The following ERO1B variants were observed in gnomAD, a reference collection of about 807,000 sequenced individuals.
ERO1B encodes the protein endoplasmic reticulum oxidoreductase 1 beta.
ERO1B carries 49 observed loss-of-function variants against 75.3 expected under a neutral mutation model. The ratio of observed to expected loss-of-function variants is 0.65; its 90% CI spans 0.52 to 0.83. The LOEUF is 0.83. ERO1B is among the 40% of genes least tolerant of loss of function. The pLI is 0.00. For missense variants in ERO1B, 512 were observed against 560.1 expected (o/e 0.91, Z 0.87); for synonymous variants, 191 against 192.9 (o/e 0.99, Z 0.08).
At chr1:236,279,507 A>AAAAAAAAAAAC (rs1665777776) in intron 1 of ERO1B, among the ~76,000 whole-genome samples, 5 of 145,430 alleles carry the variant, frequency 3.4e-5, no homozygotes, top group South Asian at 2.2e-4. Context: ...TCCATCTCAA[A>AAAAAAAAAAAC]AAAAAAAAAA....
intron 2 of ERO1B, among the ~76,000 whole-genome samples, chr1:236,264,147 C>A (rs1665363831): frequency 6.6e-6 from 1 of 152,174 alleles, no homozygotes; most frequent in Admixed American, 6.5e-5. Flanking sequence ...GTCACCCAGG[C>A]TGGAGTGCAG....
intron 10 of ERO1B, among the ~76,000 whole-genome samples, chr1:236,228,438 G>A (rs1664326938): frequency 6.6e-6 from 1 of 152,162 alleles, no homozygotes; most frequent in African/African-American, 2.4e-5. Context: ...AGGCTGGATG[G>A]TATCTTTAAT....
intron 6 of ERO1B, among the ~76,000 whole-genome samples, chr1:236,242,480 A>T (rs1664735924): frequency 6.6e-6 from 1 of 152,174 alleles, no homozygotes; most frequent in African/African-American, 2.4e-5. Flanking sequence ...TACTGAAACC[A>T]TATAAGCCAA....
intron 5 of ERO1B, among the ~76,000 whole-genome samples, chr1:236,245,793 T>A (rs960250132): frequency 6.6e-6 from 1 of 150,960 alleles, no homozygotes; most frequent in African/African-American, 2.4e-5. Context: ...ATTTTCACCA[T>A]GTTGGCCAGG....
rs1207394952 is a variant in ERO1B, at chr1:236,232,794, A to G, written c.685+34T>C. The stretch of plus-strand genomic sequence containing the variant: ...CTGATTGTTACAAAAAATTTCCTCC[A>G]CACTTGAAACAAACAAACATGAGTT... On this transcript the variant is annotated intron_variant, in intron 9 of 15. Transcript: ENST00000354619. The G allele has an allele frequency of 2.5e-6, 4 of 1,582,668 alleles. No homozygotes were observed. The East Asian group carries it at 9.1e-5, about 36-fold the overall frequency.
intron 2 of ERO1B, among the ~76,000 whole-genome samples, chr1:236,264,920 T>C (rs538408017): frequency 6.6e-6 from 1 of 152,294 alleles, no homozygotes; most frequent in South Asian, 2.1e-4. Context: ...ATCCGGGCGA[T>C]GGTTCCATTA....
In ERO1B at chr1:236,240,399, A is replaced by C. The variant is rs570267736; in HGVS notation, c.505+3023T>G. ...CTTTGCTACGGTCACAGATAAAAAA[A>C]TACTGTATTATAGACTCAGGATTAA... On this transcript the variant is annotated intron_variant, in intron 6 of 15. Coordinates refer to ENST00000354619, the MANE Select transcript of ERO1B (RefSeq NM_019891.4). 3.3e-5 allele frequency among the ~76,000 whole-genome samples: 5 copies of C among 152,248 alleles called. No homozygotes were observed. In the East Asian group the frequency reaches 9.6e-4, roughly 29 times the overall value.
At chr1:236,279,012 T>G (rs1164865467) in intron 1 of ERO1B, among the ~76,000 whole-genome samples, 1 of 152,222 alleles carries the variant, frequency 6.6e-6, no homozygotes, top group African/African-American at 2.4e-5. Context: ...TTTCCTATTT[T>G]CCATCTCTTT....
intron 2 of ERO1B, among the ~76,000 whole-genome samples, chr1:236,265,698 TG>T (rs1665419923): frequency 6.6e-6 from 1 of 152,202 alleles, no homozygotes; most frequent in African/African-American, 2.4e-5. Context: ...CATCCTTACA[TG>T]GTCAATACGG....
Position 236,243,359 on chromosome 1 carries a change from T to A in ERO1B, c.505+63A>T. The A allele has an allele frequency of 6.0e-6, 7 of 1,163,194 alleles. No homozygotes were observed. In the South Asian group the frequency reaches 9.2e-5, roughly 15 times the overall value. 72.1% of individuals were successfully genotyped at this position (1,163,194 alleles called of 1,614,324 possible). On this transcript the variant is annotated intron_variant, in intron 6 of 15. Transcript: ENST00000354619. ...ATAATTCAGTTTATATTTTCATTGA[T>A]TAAAATGTCTTATAAAAGGGTTAAA...
chr1:236,270,538 T>C, intron 1 of ERO1B, among the ~76,000 whole-genome samples: 1 of 152,208 alleles, frequency 6.6e-6, no homozygotes, highest in East Asian at 1.9e-4. Flanking sequence ...ATGGAACTTA[T>C]TCCCAATCTA....
chr1:236,259,539 T>C (rs2695066), intron 2 of ERO1B, among the ~76,000 whole-genome samples: 37,721 of 151,958 alleles, frequency 0.25, 4,874 homozygotes, highest in East Asian at 0.38. Context: ...ACTGAAAAGA[T>C]AGAAAAAGAT....
rs1664005616 is a variant in ERO1B, at chr1:236,217,034, C to G, written c.*1482G>C. On this transcript the variant is annotated 3_prime_UTR_variant, in exon 16 of 16. Transcript: ENST00000354619. ...AAATAACTCTGAGACCTTAATACCC[C>G]CACCACATCCCACCAAGAGATGGCT... 6.6e-6 allele frequency: 1 copy of G among 151,782 alleles called. No homozygotes were observed. Among genetic ancestry groups the G allele is most frequent in the Non-Finnish European group, 1.5e-5 (1 of 67,880 alleles). The allele number at this position is 151,782 out of a possible 1,614,324, so 9.4% of individuals were successfully genotyped here.
At chr1:236,266,300 T>C (rs1211955283) in intron 2 of ERO1B, among the ~76,000 whole-genome samples, 1 of 152,256 alleles carries the variant, frequency 6.6e-6, no homozygotes, top group Non-Finnish European at 1.5e-5. Flanking sequence ...TTGAATCATG[T>C]GTTTAAAATT....
chr1:236,222,863 T>C (rs774395853), intron 13 of ERO1B, among the ~76,000 whole-genome samples: 110 of 152,306 alleles, frequency 7.2e-4, no homozygotes, highest in Non-Finnish European at 1.2e-3. Flanking sequence ...CATTTGCTAA[T>C]GCAGTTGTTA....
Position 236,281,661 on chromosome 1 carries a change from C to A in ERO1B, c.102+21G>T, listed in dbSNP as rs1378070091. 5 of 1,400,564 alleles carry A rather than the reference C, an allele frequency of 3.6e-6. No homozygotes were observed. In the East Asian group the frequency reaches 1.2e-4, roughly 33 times the overall value. 86.8% of individuals were successfully genotyped at this position (1,400,564 alleles called of 1,614,324 possible). ...CGGGTGTTCGGCCGGGGGTTCCCGG[C>A]CCGCTATCACTCGGGCTTACCTGCG... On this transcript the variant is annotated intron_variant, in intron 1 of 15. Transcript: ENST00000354619.
In ERO1B at chr1:236,215,127, T is replaced by C. The variant is rs1366075269; in HGVS notation, c.*3389A>G. Among the ~76,000 whole-genome samples the C allele has an allele frequency of 1.3e-5, 2 of 152,208 alleles. No individual in the cohort carries two copies. Among genetic ancestry groups the C allele is most frequent in the Non-Finnish European group, 2.9e-5 (2 of 68,020 alleles). On this transcript the variant is annotated 3_prime_UTR_variant, in exon 16 of 16. Transcript: ENST00000354619. ...ATATTTTATAAGCTTTATGATTCAA[T>C]ACAAATCAAACAATGCTTTTAATTG...
intron 1 of ERO1B, among the ~76,000 whole-genome samples, chr1:236,277,206 C>T (rs763281929): frequency 4.6e-5 from 7 of 152,068 alleles, no homozygotes; most frequent in Non-Finnish European, 1.0e-4. Context: ...GAATTTGAGA[C>T]CAGCCTGGCC....
At chr1:236,256,233 TAGA>T (rs2102958717) in intron 2 of ERO1B, among the ~76,000 whole-genome samples, 1 of 152,250 alleles carries the variant, frequency 6.6e-6, no homozygotes, top group African/African-American at 2.4e-5. Context: ...AACCTCTCAT[TAGA>T]AGGAGGCAAG....
Sources: allele counts gnomAD v4.1 joint callset (sites outside exome capture counted in the v4.1 genomes callset), GRCh38; gene constraint gnomAD v4.1.1; transcripts MANE v1.5; gene names NCBI Gene and HGNC (gene_info 2026-07-23, HGNC 2026-07-21).